FMO4: variants seen among roughly 807,000 people sequenced by gnomAD.
FMO4 encodes flavin containing dimethylaniline monoxygenase 4, also known as dimethylaniline monooxygenase [N-oxide-forming] 4.
A neutral mutation model predicts 43.3 loss-of-function variants in FMO4; 38 were observed. The ratio of observed to expected loss-of-function variants is 0.88; its 90% CI spans 0.68 to 1.15. FMO4 has a LOEUF of 1.15. FMO4 is among the 50% of genes most tolerant of loss of function. FMO4 has a pLI of 0.00. For synonymous variants in FMO4, 224 were observed against 232.2 expected, an observed-to-expected ratio of 0.96 and a Z score of 0.32; for missense variants, 631 against 663.3, an observed-to-expected ratio of 0.95 and a Z score of 0.54.
At chr1:171,340,791 C>CTG (rs1243648010) in intron 9 of FMO4, among the ~76,000 whole-genome samples, 1 of 151,982 alleles carries the variant, frequency 6.6e-6, no homozygotes, top group Non-Finnish European at 1.5e-5. Flanking sequence ...TTAAGATATC[C>CTG]ATCTTTTTCT....
chr1:171,337,364 A>C lies in FMO4; in HGVS notation c.1189A>C (p.Lys397Gln), dbSNP rs1274967720. ...WVTRVFKGLC[K>Q]IPPSQKLMME... ...TGTGATTTTTCCCACAGGACTCTGT[A>C]AGATACCTCCATCCCAAAAATTGAT... Residue 397 changes from lysine to glutamine, a missense_variant, in exon 9 of 10, where the codon AAG (lysine) becomes CAG (glutamine). Coordinates refer to ENST00000367749, the MANE Select transcript of FMO4 (RefSeq NM_002022.3). 1 of 1,610,472 alleles carries C rather than the reference A, an allele frequency of 6.2e-7. No individual in the cohort carries two copies. The highest frequency in any genetic ancestry group is 1.7e-4 in the Middle Eastern group (1 of 6,054).
chr1:171,337,184 C>T (rs3737924), intron 8 of FMO4, among the ~76,000 whole-genome samples, 172 bp from the exon 9 acceptor site: 10,124 of 152,038 alleles, frequency 0.067, 451 homozygotes, highest in South Asian at 0.15. Context: ...GTGAACTGGG[C>T]GGGGAATTTT....
Position 171,334,476 on chromosome 1 carries a change from T to C in FMO4, c.893T>C (p.Met298Thr), listed in dbSNP as rs762017210. Reference sequence around the variant, plus strand: ...TGTATCCTCTGTGGGGCAATCACTATGAAAACCAGCGTGATTGAATTTACA... The same window carrying C: ...TGTATCCTCTGTGGGGCAATCACTACGAAAACCAGCGTGATTGAATTTACA... ...PNCILCGAIT[M>T]KTSVIEFTET... Residue 298 changes from methionine to threonine, a missense_variant, in exon 8 of 10, where the codon ATG becomes ACG. By Grantham distance (81) the Met-to-Thr change is moderately conservative (BLOSUM62 -1). Coordinates refer to ENST00000367749, the MANE Select transcript of FMO4 (RefSeq NM_002022.3). 2.5e-6 allele frequency: 4 copies of C among 1,613,386 alleles called. No individual in the cohort carries two copies. The highest frequency in any genetic ancestry group is 1.3e-5 in the African/African-American group (1 of 74,882).
chr1:171,332,128 G>A (rs1558041019), intron 6 of FMO4, among the ~76,000 whole-genome samples: 1 of 152,018 alleles, frequency 6.6e-6, no homozygotes, highest in African/African-American at 2.4e-5. Context: ...CCCTCCCTTT[G>A]TCATTCTGGT....
At chr1:171,318,982 G>A (rs532602159) in intron 2 of FMO4, among the ~76,000 whole-genome samples, 1 of 152,246 alleles carries the variant, frequency 6.6e-6, no homozygotes, top group South Asian at 2.1e-4. Flanking sequence ...AGGATCTAGA[G>A]GTGTCATAAA....
At chr1:171,327,348 C>T (rs996030052) in intron 5 of FMO4, among the ~76,000 whole-genome samples, 3 of 152,210 alleles carry the variant, frequency 2.0e-5, no homozygotes, top group Non-Finnish European at 2.9e-5. Context: ...TAGTATCATG[C>T]CTGACAGCTG....
intron 5 of FMO4, among the ~76,000 whole-genome samples, chr1:171,329,037 C>CT (rs1662793828): frequency 6.6e-6 from 1 of 152,206 alleles, no homozygotes; most frequent in Non-Finnish European, 1.5e-5. Context: ...CTGCTATGAG[C>CT]TGACAGCAGT....
At chr1:171,336,048 GA>G (rs1663102024) in intron 8 of FMO4, among the ~76,000 whole-genome samples, 1 of 151,994 alleles carries the variant, frequency 6.6e-6, no homozygotes, top group South Asian at 2.1e-4. Flanking sequence ...AGCAATCTAG[GA>G]ACAACCAATT....
chr1:171,335,214 A>G (rs193226174), intron 8 of FMO4, among the ~76,000 whole-genome samples: 2 of 152,354 alleles, frequency 1.3e-5, no homozygotes, highest in East Asian at 3.9e-4. Context: ...CAATTATGCA[A>G]TAAGAGCATA....
rs758709702 is a variant in FMO4 at position 171,341,640 on chromosome 1, C to T, written c.1478C>T (p.Thr493Ile). Residue 493 changes from threonine (T) to isoleucine (I), a missense_variant, in exon 10 of 10, where the codon ACA (threonine) becomes ATA (isoleucine). Coordinates refer to ENST00000367749, the MANE Select transcript of FMO4 (RefSeq NM_002022.3). ...RNAILTQWDRTLKPLKTRIVP... is the reference protein window; with the variant it reads ...RNAILTQWDRILKPLKTRIVP... Reference sequence around the variant, plus strand: ...GCCATCCTGACCCAGTGGGACAGAACATTGAAACCTTTAAAAACTCGAATT... The same window carrying T: ...GCCATCCTGACCCAGTGGGACAGAATATTGAAACCTTTAAAAACTCGAATT... 1.8e-5 allele frequency: 29 copies of T among 1,613,800 alleles called. No individual in the cohort carries two copies. The highest frequency in any genetic ancestry group is 2.1e-5 in the Non-Finnish European group (25 of 1,179,962).
intron 5 of FMO4, among the ~76,000 whole-genome samples, chr1:171,327,345 A>G (rs1298842024): frequency 1.3e-5 from 2 of 152,202 alleles, no homozygotes; most frequent in Non-Finnish European, 2.9e-5. Context: ...GTATAGTATC[A>G]TGCCTGACAG....
intron 9 of FMO4, among the ~76,000 whole-genome samples, chr1:171,340,450 C>T (rs1663324876): frequency 6.6e-6 from 1 of 152,104 alleles, no homozygotes; most frequent in South Asian, 2.1e-4. Context: ...AAACCCAGTG[C>T]GCCTGTTAGA....
chr1:171,320,393 G>C (rs537492377), intron 3 of FMO4, among the ~76,000 whole-genome samples: 1 of 152,288 alleles, frequency 6.6e-6, no homozygotes, highest in Admixed American at 6.5e-5. Context: ...TTTAGGAACA[G>C]AACTGGCAAG....
intron 7 of FMO4, among the ~76,000 whole-genome samples, chr1:171,333,350 A>G (rs1662981285): frequency 6.6e-6 from 1 of 152,058 alleles, no homozygotes; most frequent in African/African-American, 2.4e-5. Flanking sequence ...TACCCTCCCA[A>G]GTAGCTAGGA....
chr1:171,334,142 C>T (rs553234621), intron 7 of FMO4, among the ~76,000 whole-genome samples: 2 of 152,150 alleles, frequency 1.3e-5, no homozygotes, highest in African/African-American at 4.8e-5. Flanking sequence ...AAAAGCATTG[C>T]TCCAGAAATT....
intron 7 of FMO4, among the ~76,000 whole-genome samples, chr1:171,333,476 G>A (rs891492960): frequency 2.6e-5 from 4 of 151,812 alleles, no homozygotes; most frequent in African/African-American, 9.7e-5. Context: ...TACCTGCCTC[G>A]GCCTCCCAAA....
At chr1:171,316,131 T>G (rs1662188375) in intron 1 of FMO4, 55 bp from the exon 2 acceptor site, 1 of 152,182 alleles carries the variant, frequency 6.6e-6, no homozygotes, top group Non-Finnish European at 1.5e-5. Context: ...CGTCAGTATA[T>G]TTTTCACTTT....
At chr1:171,317,108 A>G (rs571969961) in intron 2 of FMO4, among the ~76,000 whole-genome samples, 1 of 152,188 alleles carries the variant, frequency 6.6e-6, no homozygotes, top group Non-Finnish European at 1.5e-5. Flanking sequence ...TTGGTTTCAG[A>G]TCCTGAAATC....
In FMO4 at chr1:171,332,841, T is replaced by C; in HGVS notation, c.760T>C (p.Trp254Arg). The stretch of plus-strand genomic sequence containing the variant: ...AGTTCTGCCTTCACGTTTTCTAAAC[T>C]GGATTCAAGAAAGGAAGTTGAATAA... Reference protein sequence around the residue: ...AQVLPSRFLNWIQERKLNKRF... With the variant: ...AQVLPSRFLNRIQERKLNKRF... The change falls in exon 7 of 10, where the codon TGG becomes CGG. Residue 254 changes from tryptophan to arginine, a missense_variant. By Grantham distance (101) the Trp-to-Arg change is moderately radical (BLOSUM62 -3). Coordinates refer to ENST00000367749, the MANE Select transcript of FMO4 (RefSeq NM_002022.3). The C allele has an allele frequency of 6.2e-7, 1 of 1,610,622 alleles. No homozygotes were observed.
Sources: gnomAD v4.1 joint callset for allele counts (sites outside exome capture counted in the v4.1 genomes callset) on GRCh38, gnomAD v4.1.1 for gene constraint, MANE v1.5 for transcripts, NCBI Gene and HGNC (gene_info 2026-07-23, HGNC 2026-07-21) for gene names.